PCDH11Y: variants seen among roughly 807,000 people sequenced by gnomAD.
PCDH11Y encodes protocadherin-11 Y-linked.
For missense variants in PCDH11Y, 12 were observed against 224.8 expected (o/e 0.05, Z 6.05); for synonymous variants, 9 against 83.6 (o/e 0.11, Z 4.87).
intron 1 of PCDH11Y, among the ~76,000 whole-genome samples, chrY:5,022,151 T>C: frequency 3.1e-5 from 1 of 32,614 alleles, no homozygotes; most frequent in African/African-American, 1.2e-4. Context: ...CCCTTTCTAC[T>C]GCTATCATTG....
chrY:5,339,651 C>T, intron 2 of PCDH11Y, among the ~76,000 whole-genome samples: 1 of 32,359 alleles, frequency 3.1e-5, no homozygotes, highest in African/African-American at 1.2e-4. Flanking sequence ...TGAAGTTAAA[C>T]TCTCCCCATG....
chrY:5,628,156 T>C (rs2053509134), intron 4 of PCDH11Y, among the ~76,000 whole-genome samples: 1 of 33,851 alleles, frequency 3.0e-5, no homozygotes, highest in African/African-American at 1.2e-4. Flanking sequence ...ATGTTTATAT[T>C]GGGAAAAATA....
At chrY:5,383,506 G>GA (rs2053207406) in intron 2 of PCDH11Y, among the ~76,000 whole-genome samples, 5 of 32,144 alleles carry the variant, frequency 1.6e-4, no homozygotes, top group Non-Finnish European at 3.8e-4. Flanking sequence ...TCAAAAAAAA[G>GA]AAAAAAAGAA....
intron 4 of PCDH11Y, among the ~76,000 whole-genome samples, chrY:5,582,910 G>A: frequency 1.2e-4 from 4 of 32,942 alleles, no homozygotes; most frequent in Admixed American, 1.1e-3. Flanking sequence ...TGCTTTGGTT[G>A]CCTGTGCCTG....
chrY:5,046,030 T>C, intron 3 of PCDH11Y, among the ~76,000 whole-genome samples: 1 of 33,195 alleles, frequency 3.0e-5, no homozygotes, highest in Non-Finnish European at 7.5e-5. Context: ...TTTTTCAAAG[T>C]TTTCAACTTC....
At chrY:5,414,011 C>A (rs1256873646) in intron 2 of PCDH11Y, among the ~76,000 whole-genome samples, 1 of 32,822 alleles carries the variant, frequency 3.0e-5, no homozygotes, top group Non-Finnish European at 7.5e-5. Context: ...AGCTAGCAGT[C>A]TATCTGTCTT....
chrY:5,357,313 A>G, intron 2 of PCDH11Y, among the ~76,000 whole-genome samples: 1 of 25,769 alleles, frequency 3.9e-5, no homozygotes, highest in East Asian at 9.9e-4. Flanking sequence ...CAGTACTGAA[A>G]CAGCTGTTAT....
At chrY:5,650,145 G>A in intron 4 of PCDH11Y, among the ~76,000 whole-genome samples, 4 of 32,661 alleles carry the variant, frequency 1.2e-4, no homozygotes, top group Non-Finnish European at 1.5e-4. Flanking sequence ...ATATAATACC[G>A]TAGGTTTTTC....
chrY:5,310,021 CAAAAAAAAAAA>C (rs1287449010), intron 2 of PCDH11Y, among the ~76,000 whole-genome samples: 1 of 5,356 alleles, frequency 1.9e-4, no homozygotes, highest in Admixed American at 2.2e-3. Flanking sequence ...AATTTGGTTG[CAAAAAAAAAAA>C]AAAAAAAAAG....
At chrY:5,356,041 G>A in intron 2 of PCDH11Y, among the ~76,000 whole-genome samples, 2 of 32,819 alleles carry the variant, frequency 6.1e-5, no homozygotes, top group African/African-American at 2.4e-4. Flanking sequence ...TTTTGTTCCC[G>A]GACCAAACTG....
chrY:5,025,655 T>C, intron 1 of PCDH11Y, among the ~76,000 whole-genome samples: 3 of 33,564 alleles, frequency 8.9e-5, no homozygotes, highest in Admixed American at 2.8e-4. Flanking sequence ...AAGAATATTG[T>C]ATCCTTAAAA....
At chrY:5,416,130 G>A in intron 2 of PCDH11Y, among the ~76,000 whole-genome samples, 1 of 32,089 alleles carries the variant, frequency 3.1e-5, no homozygotes, top group East Asian at 8.1e-4. Flanking sequence ...GTGAAGAATT[G>A]GTGTTAATTA....
chrY:5,622,749 T>G, intron 4 of PCDH11Y, among the ~76,000 whole-genome samples: 1 of 31,176 alleles, frequency 3.2e-5, no homozygotes, highest in Non-Finnish European at 7.7e-5. Context: ...ATCTTGTGCT[T>G]TGCAGAGACA....
At chrY:5,177,002 G>T in intron 2 of PCDH11Y, among the ~76,000 whole-genome samples, 1 of 32,135 alleles carries the variant, frequency 3.1e-5, no homozygotes, top group Admixed American at 2.9e-4. Flanking sequence ...TTGAACAAAA[G>T]AAATTTTATG....
intron 2 of PCDH11Y, among the ~76,000 whole-genome samples, chrY:5,340,092 T>C (rs2053143468): frequency 3.1e-5 from 1 of 32,376 alleles, no homozygotes. Flanking sequence ...AGGAAGCCAG[T>C]AGTGGCTCAT....
chrY:5,449,975 T>C, intron 2 of PCDH11Y, among the ~76,000 whole-genome samples: 4 of 33,615 alleles, frequency 1.2e-4, no homozygotes, highest in Non-Finnish European at 3.0e-4. Context: ...TTCTAAAATA[T>C]TTACAATAGT....
chrY:5,061,418 T>C, intron 1 of PCDH11Y, among the ~76,000 whole-genome samples: 3 of 32,980 alleles, frequency 9.1e-5, no homozygotes, highest in African/African-American at 3.6e-4. Flanking sequence ...ACTTTTTAAT[T>C]CAGATGGCCT....
At chrY:5,446,524 G>GGT (rs2053287793) in intron 2 of PCDH11Y, among the ~76,000 whole-genome samples, 6 of 32,910 alleles carry the variant, frequency 1.8e-4, no homozygotes, top group African/African-American at 1.2e-4. Flanking sequence ...CTTGTATATA[G>GGT]GTGTGTGTGT....
chrY:5,718,577 C>G, intron 4 of PCDH11Y, among the ~76,000 whole-genome samples: 1 of 33,724 alleles, frequency 3.0e-5, no homozygotes, highest in Admixed American at 2.7e-4. Context: ...GTAAGGCATG[C>G]CTTTTTTCTT....
Sources: gnomAD v4.1 joint callset for allele counts (sites outside exome capture counted in the v4.1 genomes callset) on GRCh38, gnomAD v4.1.1 for gene constraint, MANE v1.5 for transcripts, NCBI Gene and HGNC (gene_info 2026-07-23, HGNC 2026-07-21) for gene names.